USP54: variants seen among roughly 807,000 people sequenced by gnomAD.
The protein encoded by USP54 is ubiquitin specific peptidase 54.
In USP54, 87 loss-of-function variants were observed where a neutral mutation model predicts 170.5. The observed-to-expected ratio is 0.51, with a 90% CI of 0.43 to 0.61. The LOEUF is 0.61. USP54 is among the 20% of genes least tolerant of loss of function. USP54 has a pLI of 0.00. For synonymous variants in USP54, 655 were observed against 742.8 expected (o/e 0.88, Z 1.92); for missense variants, 1,786 against 2,047.8 (o/e 0.87, Z 2.47).
At position 73,498,793 on chromosome 10, in the gene USP54, G is replaced by A; in HGVS notation, c.4891C>T (p.Pro1631Ser). Residue 1631 changes from proline to serine, a missense_variant, in exon 24 of 24, where the codon CCT (proline) becomes TCT (serine). Physicochemically the swap from Pro to Ser is moderately conservative, Grantham distance 74. Around this residue, in one of 3 missense-constraint regions of USP54, gnomAD observed 1,418 missense variants for 1,569.0 expected, o/e 0.90. Transcript: ENST00000687698. The stretch of plus-strand genomic sequence containing the variant: ...TCTGGGGGCATATCTACTCTTCGAG[G>A]ACCAGGGGTTCGGGACCCTGGAACA... Reference protein sequence around the residue: ...DPVPGSRTPGPRRVDMPPDDD... With the variant: ...DPVPGSRTPGSRRVDMPPDDD... 6.2e-7 allele frequency: 1 copy of A among 1,613,256 alleles called. No homozygotes were observed. Among genetic ancestry groups the A allele is most frequent in the Non-Finnish European group, 8.5e-7 (1 of 1,179,644 alleles).
At chr10:73,615,681 G>A (rs1420460273) in intron 1 of USP54, among the ~76,000 whole-genome samples, 5 of 150,132 alleles carry the variant, frequency 3.3e-5, no homozygotes, top group African/African-American at 1.3e-4. Context: ...AGCACTCTGC[G>A]AAGCTGAGGC....
At position 73,499,121 on chromosome 10, in the gene USP54, C is replaced by G. The variant is rs1456660767; in HGVS notation, c.4563G>C (p.Lys1521Asn). Reference sequence around the variant, plus strand: ...GGTAGTTCAAAGTCCTTCCTGTGTACTTGGCCCCTTGGGAAGTTTCACCCC... The same window carrying G: ...GGTAGTTCAAAGTCCTTCCTGTGTAGTTGGCCCCTTGGGAAGTTTCACCCC... ...CDRGETSQGA[K>N]YTGRTLNYQS... Residue 1521 changes from lysine to asparagine, a missense_variant, in exon 24 of 24, where the codon AAG becomes AAC. By Grantham distance (94) the Lys-to-Asn change is moderately conservative (BLOSUM62 0). Coordinates refer to ENST00000687698, the MANE Select transcript of USP54 (RefSeq NM_001391956.1). 6.2e-7 allele frequency: 1 copy of G among 1,614,060 alleles called. No individual in the cohort carries two copies. The highest frequency in any genetic ancestry group is 8.5e-7 in the Non-Finnish European group (1 of 1,179,976).
At chr10:73,607,559 G>A (rs1482081409) in intron 1 of USP54, among the ~76,000 whole-genome samples, 2 of 151,870 alleles carry the variant, frequency 1.3e-5, no homozygotes, top group Admixed American at 6.6e-5. Context: ...GGCCGGGTAC[G>A]GTGGCTCGCG....
chr10:73,551,021 C>A lies in USP54; in HGVS notation c.241-5349G>T, dbSNP rs547806117. Among the ~76,000 whole-genome samples the A allele has an allele frequency of 3.9e-5, 6 of 152,244 alleles. No homozygotes were observed. In the South Asian group the frequency reaches 1.2e-3, roughly 32 times the overall value. On this transcript the variant is annotated intron_variant, in intron 4 of 23. Coordinates refer to ENST00000687698, the MANE Select transcript of USP54 (RefSeq NM_001391956.1). ...TGCGGAGGCTGAGGCAGGAGAATGG[C>A]GTGAACCCAGAAGGCAGAGCTTGCA...
At chr10:73,502,036 C>G (rs1206901557) in intron 22 of USP54, among the ~76,000 whole-genome samples, 1 of 152,134 alleles carries the variant, frequency 6.6e-6, no homozygotes, top group African/African-American at 2.4e-5. Context: ...ATTGTCTTCT[C>G]CCCTATTTCT....
chr10:73,500,576 A>G (rs1388778066), intron 23 of USP54, 79 bp downstream of exon 23: 1 of 1,371,490 alleles, frequency 7.3e-7, no homozygotes, highest in African/African-American at 1.5e-5. Context: ...CCCTCCCCAT[A>G]GGTATACTGA....
At chr10:73,515,638 C>G (rs1010343371) in intron 20 of USP54, among the ~76,000 whole-genome samples, 1 of 152,176 alleles carries the variant, frequency 6.6e-6, no homozygotes, top group African/African-American at 2.4e-5. Context: ...AATGTCCACA[C>G]TGAGCATATG....
intron 4 of USP54, among the ~76,000 whole-genome samples, chr10:73,551,171 T>C (rs1388339448): frequency 2.0e-5 from 3 of 152,176 alleles, no homozygotes; most frequent in African/African-American, 7.2e-5. Flanking sequence ...ACACACTGAA[T>C]ATCTACTGCA....
chr10:73,592,668 C>T (rs1169507779), upstream of USP54, among the ~76,000 whole-genome samples: 1 of 152,108 alleles, frequency 6.6e-6, no homozygotes, highest in African/African-American at 2.4e-5. Flanking sequence ...TCAATCAAGT[C>T]ATTAAAATAT....
intron 1 of USP54, among the ~76,000 whole-genome samples, chr10:73,577,567 T>C (rs1009250763): frequency 1.3e-5 from 2 of 152,218 alleles, no homozygotes; most frequent in Non-Finnish European, 2.9e-5. Flanking sequence ...ACGATACTTA[T>C]GTCCTTTATT....
At position 73,536,346 on chromosome 10, in the gene USP54, G is replaced by A; in HGVS notation, c.1067C>T (p.Pro356Leu). ...GGGAGGCAGGTCCTGGGTGGAAACT[G>A]GGGTACCCTGGGGATCTGCATAAAG... is the stretch of plus-strand genomic sequence containing the variant. ...LLLYADPQGT[P>L]VSTQDLPPQA... Residue 356 changes from proline (P) to leucine (L), a missense_variant, in exon 11 of 24, where the codon CCA becomes CTA. Pro to Leu is a moderately conservative substitution (Grantham distance 98). Coordinates refer to ENST00000687698, the MANE Select transcript of USP54 (RefSeq NM_001391956.1). The A allele has an allele frequency of 6.2e-7, 1 of 1,613,888 alleles. No homozygotes were observed. Among genetic ancestry groups the A allele is most frequent in the Non-Finnish European group, 8.5e-7 (1 of 1,179,910 alleles).
At chr10:73,610,902 A>G (rs1003307717) in intron 1 of USP54, among the ~76,000 whole-genome samples, 3 of 152,316 alleles carry the variant, frequency 2.0e-5, no homozygotes, top group African/African-American at 7.2e-5. Flanking sequence ...TATGGCTTTC[A>G]GAAAAGCTTG....
At chr10:73,536,579 C>T (rs2065254696) in intron 10 of USP54, 142 bp from the exon 11 acceptor site, 1 of 927,730 alleles carries the variant, frequency 1.1e-6, no homozygotes, top group Admixed American at 3.6e-5. Flanking sequence ...AAAAAGATCT[C>T]AGACCTAACA....
intron 1 of USP54, among the ~76,000 whole-genome samples, chr10:73,625,347 G>A (rs747965922): frequency 2.0e-5 from 3 of 151,898 alleles, no homozygotes; most frequent in South Asian, 4.2e-4. Context: ...AAGAGTGTCC[G>A]TGGGGTATCT....
rs531299170 is a variant in USP54 at position 73,548,463 on chromosome 10, A to C, written c.241-2791T>G. Among the ~76,000 whole-genome samples the C allele has an allele frequency of 5.3e-5, 8 of 152,328 alleles. No homozygotes were observed. The South Asian group carries it at 1.7e-3, about 32-fold the overall frequency. On this transcript the variant is annotated intron_variant, in intron 4 of 23. Coordinates refer to ENST00000687698, the MANE Select transcript of USP54 (RefSeq NM_001391956.1). Reference sequence around the variant, plus strand: ...TATTGCAGCACTATTCACAATAGCAAAGACTTGGAACCAAACCAAATGTCC... The same window carrying C: ...TATTGCAGCACTATTCACAATAGCACAGACTTGGAACCAAACCAAATGTCC...
chr10:73,571,441 A>G lies in USP54; in HGVS notation c.220T>C (p.Cys74Arg), dbSNP rs2075182494. 6.2e-7 allele frequency: 1 copy of G among 1,613,748 alleles called. No individual in the cohort carries two copies. Among genetic ancestry groups the G allele is most frequent in the Non-Finnish European group, 8.5e-7 (1 of 1,179,796 alleles). The change falls in exon 4 of 24, where the codon TGC (cysteine) becomes CGC (arginine). Residue 74 changes from cysteine to arginine, a missense_variant. By Grantham distance (180) the Cys-to-Arg change is radical (BLOSUM62 -3). Transcript: ENST00000687698. The stretch of plus-strand genomic sequence containing the variant: ...CTTACCTTGAGAGCGCAAAAGATGC[A>G]GGAATCTCCCATGCACTTGTGAGTT... ...LTTHKCMGDS[C>R]IFCALKGIFN...
chr10:73,530,887 C>A, intron 12 of USP54, 52 bp from the exon 13 acceptor site: 5 of 1,608,564 alleles, frequency 3.1e-6, no homozygotes, highest in Non-Finnish European at 4.2e-6. Flanking sequence ...TAACCTCCAC[C>A]CTCCTGAGAA....
chr10:73,579,650 G>GGGA (rs2076609646), intron 1 of USP54, among the ~76,000 whole-genome samples: 1 of 151,950 alleles, frequency 6.6e-6, no homozygotes, highest in South Asian at 2.1e-4. Context: ...TCAGCTACTT[G>GGGA]GGAGGCTGAG....
intron 11 of USP54, 156 bp downstream of exon 11, chr10:73,536,113 T>C (rs1346132727): frequency 9.8e-7 from 1 of 1,022,002 alleles, no homozygotes; most frequent in African/African-American, 1.6e-5. Context: ...CTGGCCCAAG[T>C]TAGGCTTCAG....
Sources: allele counts gnomAD v4.1 joint callset (sites outside exome capture counted in the v4.1 genomes callset), GRCh38; gene constraint gnomAD v4.1.1; regional missense constraint gnomAD v4.1.1; transcripts MANE v1.5; gene names NCBI Gene and HGNC (gene_info 2026-07-23, HGNC 2026-07-21).